Variants in SND1 observed in about 807,000 individuals in gnomAD.
SND1 encodes the protein staphylococcal nuclease and tudor domain containing 1.
SND1 carries 38 observed loss-of-function variants against 121.7 expected under a neutral mutation model. The observed-to-expected ratio is 0.31, with a 90% CI of 0.24 to 0.41. SND1 has a LOEUF of 0.41. SND1 is among the 10% of genes least tolerant of loss of function. The probability of loss-of-function intolerance (pLI) is 1.00; values close to 1 mark genes in which losing one functional copy is unlikely to be tolerated. For missense variants in SND1, 868 were observed against 1,184.6 expected (o/e 0.73, Z 3.92); for synonymous variants, 401 against 447.4 (o/e 0.90, Z 1.31).
intron 5 of SND1, 56 bp downstream of exon 5, chr7:127,701,379 C>G: frequency 6.5e-7 from 1 of 1,549,052 alleles, no homozygotes; most frequent in Non-Finnish European, 8.8e-7. Flanking sequence ...TCTGTTTGCA[C>G]TCTTTGCTTC....
chr7:128,033,190 T>A (rs1030279853), intron 16 of SND1, among the ~76,000 whole-genome samples: 2 of 152,156 alleles, frequency 1.3e-5, no homozygotes, highest in Non-Finnish European at 2.9e-5. Flanking sequence ...GGGGTGGAAT[T>A]CTTGCTCCTA....
intron 16 of SND1, chr7:128,027,666 A>C (rs1266615859): frequency 6.6e-6 from 1 of 152,190 alleles, no homozygotes; most frequent in Non-Finnish European, 1.5e-5. Flanking sequence ...CTTAAAACAA[A>C]CAAAATCTTT....
intron 10 of SND1, among the ~76,000 whole-genome samples, chr7:127,740,627 T>C (rs985391061): frequency 6.6e-6 from 1 of 152,200 alleles, no homozygotes; most frequent in Non-Finnish European, 1.5e-5. Context: ...ATCACCCAGG[T>C]AGCTCTTAAT....
At chr7:127,970,751 CCT>C (rs1801965566) in intron 15 of SND1, among the ~76,000 whole-genome samples, 1 of 152,066 alleles carries the variant, frequency 6.6e-6, no homozygotes, top group Non-Finnish European at 1.5e-5. Flanking sequence ...GTATGTTTGT[CCT>C]CTCATGTGAT....
intron 1 of SND1, among the ~76,000 whole-genome samples, chr7:127,663,631 C>T (rs1795358652): frequency 6.6e-6 from 1 of 152,210 alleles, no homozygotes; most frequent in Middle Eastern, 3.2e-3. Context: ...CTACCTCGGC[C>T]TCCCAAAGTG....
At chr7:128,020,908 A>G (rs957395426) in intron 16 of SND1, among the ~76,000 whole-genome samples, 5 of 152,146 alleles carry the variant, frequency 3.3e-5, no homozygotes, top group Admixed American at 3.3e-4. Context: ...CCCTCATGAG[A>G]GAAACAAAAT....
intron 9 of SND1, among the ~76,000 whole-genome samples, chr7:127,711,759 G>T (rs1796302187): frequency 6.6e-6 from 1 of 151,480 alleles, no homozygotes; most frequent in Non-Finnish European, 1.5e-5. Flanking sequence ...CCTATTTTCT[G>T]TCTCATCTTC....
intron 9 of SND1, among the ~76,000 whole-genome samples, chr7:127,720,239 C>T (rs1018115680): frequency 6.6e-6 from 1 of 152,176 alleles, no homozygotes; most frequent in African/African-American, 2.4e-5. Context: ...TTTTGCCAGT[C>T]CGCCCTTGCT....
intron 14 of SND1, among the ~76,000 whole-genome samples, chr7:127,911,656 G>C (rs1800457624): frequency 6.6e-6 from 1 of 152,048 alleles, no homozygotes; most frequent in Admixed American, 6.5e-5. Flanking sequence ...TGAGTAGCTG[G>C]GATTACAGCT....
intron 15 of SND1, among the ~76,000 whole-genome samples, chr7:127,969,991 G>A (rs1056091682): frequency 1.3e-5 from 2 of 152,184 alleles, no homozygotes; most frequent in Admixed American, 1.3e-4. Context: ...GCTTGATCCA[G>A]TGCCCTACGC....
At chr7:127,948,200 C>T (rs899317850) in intron 15 of SND1, among the ~76,000 whole-genome samples, 2 of 152,182 alleles carry the variant, frequency 1.3e-5, no homozygotes, top group African/African-American at 4.8e-5. Context: ...ACAAAGCTCA[C>T]ACAGGTATCT....
chr7:127,768,821 A>G (rs1797464999), intron 10 of SND1, among the ~76,000 whole-genome samples: 1 of 152,188 alleles, frequency 6.6e-6, no homozygotes, highest in Non-Finnish European at 1.5e-5. Flanking sequence ...TTTTATTCAA[A>G]CTGAAGTGCT....
At chr7:128,072,293 G>A (rs1793426589) in intron 16 of SND1, among the ~76,000 whole-genome samples, 1 of 152,198 alleles carries the variant, frequency 6.6e-6, no homozygotes, top group South Asian at 2.1e-4. Context: ...GCTGTCTAGT[G>A]GCCTGCCAGG....
chr7:127,815,405 A>G (rs2110105), intron 11 of SND1, among the ~76,000 whole-genome samples: 152,187 of 152,190 alleles, frequency 1, 76,092 homozygotes, highest in Middle Eastern at 1. Context: ...TAGGAGAATC[A>G]CTTGAGCCTA....
At chr7:127,838,076 C>T (rs1798898566) in intron 11 of SND1, among the ~76,000 whole-genome samples, 1 of 152,050 alleles carries the variant, frequency 6.6e-6, no homozygotes, top group South Asian at 2.1e-4. Context: ...GGGGTACGAG[C>T]CTGAGTGGCG....
chr7:128,003,863 G>A (rs1442831376), intron 16 of SND1, among the ~76,000 whole-genome samples: 1 of 152,132 alleles, frequency 6.6e-6, no homozygotes, highest in East Asian at 1.9e-4. Flanking sequence ...CCTACCTCTG[G>A]AGTGAGGGGC....
chr7:127,944,172 C>G (rs6976145), intron 15 of SND1, among the ~76,000 whole-genome samples: 8,991 of 152,254 alleles, frequency 0.059, 780 homozygotes, highest in African/African-American at 0.19. Context: ...TTGTAAGCTG[C>G]TTTATAAGCT....
chr7:127,936,784 C>T (rs1443749556), intron 15 of SND1, among the ~76,000 whole-genome samples: 1 of 152,164 alleles, frequency 6.6e-6, no homozygotes, highest in East Asian at 1.9e-4. Context: ...TGGCCTCAAG[C>T]AGTCCTCTTG....
At chr7:127,998,072 C>A in intron 16 of SND1, 1 of 491,060 alleles carries the variant, frequency 2.0e-6, no homozygotes, top group South Asian at 1.5e-5. Context: ...TCTTTGTACT[C>A]CAGTGCCTAG....
Sources: gnomAD v4.1 joint callset for allele counts (sites outside exome capture counted in the v4.1 genomes callset) on GRCh38, gnomAD v4.1.1 for gene constraint, MANE v1.5 for transcripts, NCBI Gene and HGNC (gene_info 2026-07-23, HGNC 2026-07-21) for gene names.